MACF1: variants seen among roughly 807,000 people sequenced by gnomAD.
The protein encoded by MACF1 is microtubule-actin cross-linking factor 1.
In MACF1, 193 loss-of-function variants were observed where a neutral mutation model predicts 854.8. The observed-to-expected ratio is 0.23, with a 90% CI of 0.20 to 0.25. MACF1 has a LOEUF of 0.25. MACF1 is among the 10% of genes least tolerant of loss of function. The pLI is 1.00. For missense variants in MACF1, 7,722 were observed against 8,929.1 expected (o/e 0.86, Z 5.45); for synonymous variants, 3,185 against 3,226.7 (o/e 0.99, Z 0.44).
At chr1:39,476,570 CA>C (rs371894931) in intron 97 of MACF1, among the ~76,000 whole-genome samples, 117 of 135,188 alleles carry the variant, frequency 8.7e-4, no homozygotes, top group Admixed American at 8.8e-4. Context: ...GACTCTGTCT[CA>C]AAAAAAAAAA....
In MACF1 at chr1:39,333,132, T is replaced by C. The variant is rs769951781; in HGVS notation, c.6544T>C (p.Tyr2182His). The C allele has an allele frequency of 6.2e-7, 1 of 1,614,084 alleles. No homozygotes were observed. The highest frequency in any genetic ancestry group is 1.7e-5 in the Admixed American group (1 of 60,016). The change falls in exon 37 of 101, where the codon TAT becomes CAT. Residue 2182 changes from tyrosine (Y) to histidine (H), a missense_variant. Coordinates refer to ENST00000564288, the MANE Select transcript of MACF1 (RefSeq NM_001394062.1). ...NEQAHTLETE[Y>H]IHDETGGSHI... ...ACAAGCACACACTCTTGAGACTGAATATATTCATGATGAAACTGGAGGATC... is the reference window on the plus strand; with the variant it reads ...ACAAGCACACACTCTTGAGACTGAACATATTCATGATGAAACTGGAGGATC...
At chr1:39,162,741 T>C (rs1313207325) in intron 2 of MACF1, among the ~76,000 whole-genome samples, 1 of 152,172 alleles carries the variant, frequency 6.6e-6, no homozygotes, top group African/African-American at 2.4e-5. Flanking sequence ...GTTGTGGGGA[T>C]TAAATGAGAT....
intron 6 of MACF1, among the ~76,000 whole-genome samples, chr1:39,274,355 A>G (rs1478773471): frequency 1.3e-5 from 2 of 152,238 alleles, no homozygotes. Context: ...GGCTCTCTGC[A>G]TTGTGGGTTC....
Position 39,460,807 on chromosome 1 carries a change from A to G in MACF1, c.21523+13A>G. Reference sequence around the variant, plus strand: ...ATTTTAGCATCCAGTGAGTCTAGTCATCATTCCAAACATGGGTCACACCTG... The same window carrying G: ...ATTTTAGCATCCAGTGAGTCTAGTCGTCATTCCAAACATGGGTCACACCTG... On this transcript the variant is annotated intron_variant, in intron 92 of 100. Coordinates refer to ENST00000564288, the MANE Select transcript of MACF1 (RefSeq NM_001394062.1). This position sits in a 1 kb window ranked among gnomAD's most constrained non-coding sequence, Gnocchi z 4.1. 3.1e-6 allele frequency: 5 copies of G among 1,613,908 alleles called. No homozygotes were observed. The highest frequency in any genetic ancestry group is 3.4e-6 in the Non-Finnish European group (4 of 1,179,780).
chr1:39,315,646 A>G lies in MACF1; in HGVS notation c.3404A>G (p.Glu1135Gly), dbSNP rs1422106637. ...TLRSELNLLV[E>G]KMDHVYGLST... ...CGCTCAGAACTGAATCTGCTGGTGGAGAAGATGGACCATGTCTATGGTCTC... is the reference window on the plus strand; with the variant it reads ...CGCTCAGAACTGAATCTGCTGGTGGGGAAGATGGACCATGTCTATGGTCTC... Residue 1135 changes from glutamate (E) to glycine (G), a missense_variant, in exon 27 of 101, where the codon GAG becomes GGG. Glu to Gly is a moderately conservative substitution (Grantham distance 98). Coordinates refer to ENST00000564288, the MANE Select transcript of MACF1 (RefSeq NM_001394062.1). 1 of 1,614,154 alleles carries G rather than the reference A, an allele frequency of 6.2e-7. No homozygotes were observed. Among genetic ancestry groups the G allele is most frequent in the Non-Finnish European group, 8.5e-7 (1 of 1,179,996 alleles).
At chr1:39,250,301 A>C (rs979265703) in intron 3 of MACF1, 198 bp downstream of exon 3, 3 of 375,966 alleles carry the variant, frequency 8.0e-6, no homozygotes, top group African/African-American at 4.1e-5. Context: ...TTGATGTATT[A>C]TATGTTCTCA....
chr1:39,339,306 C>G (rs1185864186), intron 38 of MACF1, among the ~76,000 whole-genome samples: 1 of 152,038 alleles, frequency 6.6e-6, no homozygotes, highest in Non-Finnish European at 1.5e-5. Context: ...AAAGGACCAA[C>G]AAAGAAACAA....
At chr1:39,096,033 G>A (rs1381544416) in intron 2 of MACF1, among the ~76,000 whole-genome samples, 1 of 151,936 alleles carries the variant, frequency 6.6e-6, no homozygotes, top group African/African-American at 2.4e-5. Flanking sequence ...TCCAGGCGTA[G>A]TGGCACATAC....
intron 4 of MACF1, among the ~76,000 whole-genome samples, chr1:39,253,375 C>A (rs1645063312): frequency 6.6e-6 from 1 of 151,986 alleles, no homozygotes; most frequent in Admixed American, 6.6e-5. Context: ...TAAAGGGTGC[C>A]CTTCCTTCAG....
chr1:39,181,857 A>C (rs1199115311), intron 2 of MACF1, among the ~76,000 whole-genome samples: 1 of 152,232 alleles, frequency 6.6e-6, no homozygotes, highest in Non-Finnish European at 1.5e-5. Flanking sequence ...ATCCATATAC[A>C]AAAGAATGAA....
At chr1:39,140,833 T>C (rs1271934858) in intron 2 of MACF1, among the ~76,000 whole-genome samples, 1 of 146,202 alleles carries the variant, frequency 6.8e-6, no homozygotes, top group Non-Finnish European at 1.5e-5. Flanking sequence ...GAGAATCTCT[T>C]GAACCCAGGA....
chr1:39,115,538 A>G (rs1018405972), intron 2 of MACF1, among the ~76,000 whole-genome samples: 3 of 152,114 alleles, frequency 2.0e-5, no homozygotes, highest in Non-Finnish European at 4.4e-5. Context: ...GAAGATACTG[A>G]GTTTAATTTA....
intron 44 of MACF1, 32 bp downstream of exon 44, chr1:39,353,263 G>C: frequency 2.0e-6 from 3 of 1,531,264 alleles, no homozygotes; most frequent in Non-Finnish European, 2.7e-6. Context: ...CACTATGCTA[G>C]AGAAATCTCT....
chr1:39,220,954 G>A (rs954657874), intron 1 of MACF1, among the ~76,000 whole-genome samples: 1 of 152,136 alleles, frequency 6.6e-6, no homozygotes, highest in African/African-American at 2.4e-5. Context: ...TGACATGTCC[G>A]GAAAGGTGTA....
At chr1:39,384,604 GA>G (rs904127137) in intron 56 of MACF1, among the ~76,000 whole-genome samples, 2 of 151,444 alleles carry the variant, frequency 1.3e-5, no homozygotes, top group African/African-American at 2.4e-5. Flanking sequence ...GATATGAAAA[GA>G]AAAAAAAGCC....
At chr1:39,360,012 A>AAAAAAAT (rs1557608845) in intron 47 of MACF1, among the ~76,000 whole-genome samples, 6 of 28,830 alleles carry the variant, frequency 2.1e-4, no homozygotes, top group Admixed American at 1.2e-3. Flanking sequence ...AAAAAAAAAA[A>AAAAAAAT]ATATATATAT....
chr1:39,443,915 A>G (rs1169066677), intron 79 of MACF1, among the ~76,000 whole-genome samples: 1 of 152,222 alleles, frequency 6.6e-6, no homozygotes, highest in Non-Finnish European at 1.5e-5. Context: ...AGGGAAATCA[A>G]ATAGTTACCC....
intron 2 of MACF1, among the ~76,000 whole-genome samples, chr1:39,237,898 T>C (rs1471888477): frequency 6.6e-6 from 1 of 152,088 alleles, no homozygotes; most frequent in Non-Finnish European, 1.5e-5. Context: ...AACATAAAAA[T>C]AGAAGTTTGA....
At chr1:39,165,511 T>C (rs1433370327) in intron 2 of MACF1, among the ~76,000 whole-genome samples, 1 of 152,224 alleles carries the variant, frequency 6.6e-6, no homozygotes, top group Non-Finnish European at 1.5e-5. Context: ...ATGTGTATTT[T>C]TTTTGTTACA....
Sources: allele counts gnomAD v4.1 joint callset (sites outside exome capture counted in the v4.1 genomes callset), GRCh38; gene constraint gnomAD v4.1.1; non-coding constraint Gnocchi (gnomAD v3.1); transcripts MANE v1.5; gene names NCBI Gene and HGNC (gene_info 2026-07-23, HGNC 2026-07-21).